The following ME3 variants were observed in gnomAD, a reference collection of about 807,000 sequenced individuals.
ME3 encodes NADP-dependent malic enzyme, mitochondrial.
In ME3, 48 loss-of-function variants were observed where a neutral mutation model predicts 68.9. The observed-to-expected ratio is 0.70, with a 90% CI of 0.55 to 0.89. The LOEUF (loss-of-function observed/expected upper bound fraction) is 0.89. ME3 is among the 40% of genes least tolerant of loss of function. The probability of loss-of-function intolerance (pLI) is 0.00; values close to 1 mark genes in which losing one functional copy is unlikely to be tolerated. For synonymous variants in ME3, 320 were observed against 318.8 expected (o/e 1.00, Z -0.04); for missense variants, 675 against 797.4 (o/e 0.85, Z 1.85).
rs190166523 is a variant in ME3 at position 86,505,734 on chromosome 11, C to T, written c.543+3058G>A. Among the ~76,000 whole-genome samples the T allele has an allele frequency of 4.7e-3, 719 of 152,334 alleles. 2 individuals are homozygous for T. Among genetic ancestry groups the T allele is most frequent in the Non-Finnish European group, 7.4e-3 (503 of 68,038 alleles). Reference sequence around the variant, plus strand: ...AAAGCTCAGAGAGGATATCTGCACACGCAGCAGGTAAGTGAAGCTTCATGG... The same window carrying T: ...AAAGCTCAGAGAGGATATCTGCACATGCAGCAGGTAAGTGAAGCTTCATGG... On this transcript the variant is annotated intron_variant, in intron 5 of 14. Coordinates refer to ENST00000543262, the Ensembl canonical transcript of ME3.
chr11:86,501,992 C>T lies in ME3; in HGVS notation c.544-3868G>A, dbSNP rs146420125. On this transcript the variant is annotated intron_variant, in intron 5 of 14. Transcript: ENST00000543262. Reference sequence around the variant, plus strand: ...TTCTTGCCCCCAAATCTCTAATGGTCCCTGATGTCTGTAAAATAAAACCCA... The same window carrying T: ...TTCTTGCCCCCAAATCTCTAATGGTTCCTGATGTCTGTAAAATAAAACCCA... Among the ~76,000 whole-genome samples the T allele has an allele frequency of 5.9e-5, 9 of 152,272 alleles. No homozygotes were observed. In the East Asian group the frequency reaches 1.5e-3, roughly 26 times the overall value.
At chr11:86,646,140 TC>T (rs1944998364) in intron 2 of ME3, among the ~76,000 whole-genome samples, 1 of 152,102 alleles carries the variant, frequency 6.6e-6, no homozygotes, top group Non-Finnish European at 1.5e-5. Flanking sequence ...CCAGAATGCT[TC>T]TTCTCCTCAA....
At chr11:86,606,310 G>A (rs1961641336) in intron 2 of ME3, among the ~76,000 whole-genome samples, 1 of 152,150 alleles carries the variant, frequency 6.6e-6, no homozygotes, top group South Asian at 2.1e-4. Flanking sequence ...TCCCTCCTGG[G>A]CCTTTGCCAT....
rs527983018 is a variant in ME3, at chr11:86,465,520, A to G, written c.810-320T>C. 3.4e-4 allele frequency among the ~76,000 whole-genome samples: 51 copies of G among 152,230 alleles called. 1 individual carries two copies. Among genetic ancestry groups the G allele is most frequent in the African/African-American group, 1.2e-3 (51 of 41,542 alleles). ...AGCCCTGGGAGTGACAAGAGGGCCA[A>G]GGAGGGGCCTGCCCTCTGTGTAGCC... On this transcript the variant is annotated intron_variant, in intron 7 of 14. Transcript: ENST00000543262.
chr11:86,499,590 C>T (rs1043409493), intron 5 of ME3, among the ~76,000 whole-genome samples: 7 of 152,290 alleles, frequency 4.6e-5, no homozygotes, highest in Middle Eastern at 3.4e-3. Context: ...CAAAGGGCTA[C>T]GGGATCTTCT....
At chr11:86,582,488 C>G (rs1958496286) in intron 2 of ME3, among the ~76,000 whole-genome samples, 2 of 152,104 alleles carry the variant, frequency 1.3e-5, no homozygotes. Context: ...AAATGCTAAT[C>G]CTTAACACAC....
At chr11:86,609,067 T>C (rs531882595) in intron 2 of ME3, among the ~76,000 whole-genome samples, 4 of 152,314 alleles carry the variant, frequency 2.6e-5, no homozygotes, top group African/African-American at 9.6e-5. Flanking sequence ...TTAGCACCAT[T>C]TTACAGACCA....
chr11:86,576,233 G>A (rs1380894961), intron 2 of ME3, among the ~76,000 whole-genome samples: 2 of 152,142 alleles, frequency 1.3e-5, no homozygotes, highest in Non-Finnish European at 2.9e-5. Flanking sequence ...GTTGGGGGAG[G>A]TGGATAACCA....
intron 2 of ME3, among the ~76,000 whole-genome samples, chr11:86,591,715 T>G (rs1175591174): frequency 6.6e-6 from 1 of 152,138 alleles, no homozygotes; most frequent in Non-Finnish European, 1.5e-5. Flanking sequence ...GAGGAGCAAG[T>G]CGCATTTTAT....
intron 4 of ME3, among the ~76,000 whole-genome samples, chr11:86,543,952 A>T (rs368218906): frequency 2.7e-3 from 370 of 137,314 alleles, no homozygotes; most frequent in African/African-American, 3.7e-3. Context: ...CATAACAAAC[A>T]GTCTCTCAGA....
chr11:86,661,742 T>C (rs1946291125), intron 2 of ME3, among the ~76,000 whole-genome samples: 1 of 152,244 alleles, frequency 6.6e-6, no homozygotes, highest in African/African-American at 2.4e-5. Context: ...AATGCACCTC[T>C]CGTTACATCT....
At chr11:86,556,599 C>A (rs150824447) in exon 4 of ME3, 1 of 1,613,974 alleles carries the variant, frequency 6.2e-7, no homozygotes, top group Non-Finnish European at 8.5e-7. Flanking sequence ...GCCAGCCCCA[C>A]GGTAGGCGTG....
intron 2 of ME3, among the ~76,000 whole-genome samples, chr11:86,615,203 A>C (rs1350183287): frequency 6.6e-6 from 1 of 152,188 alleles, no homozygotes; most frequent in Non-Finnish European, 1.5e-5. Flanking sequence ...TATTTTTTCA[A>C]GGCCACAATT....
chr11:86,543,869 A>C (rs1305603386), intron 4 of ME3, among the ~76,000 whole-genome samples: 2 of 152,128 alleles, frequency 1.3e-5, no homozygotes, highest in African/African-American at 2.4e-5. Context: ...TCAGCACCAC[A>C]TCACACTTAT....
intron 2 of ME3, among the ~76,000 whole-genome samples, chr11:86,621,116 G>T (rs930468418): frequency 2.6e-5 from 4 of 152,188 alleles, no homozygotes; most frequent in African/African-American, 9.6e-5. Flanking sequence ...TTTGAGTCCA[G>T]ATCAGAAAAT....
intron 5 of ME3, among the ~76,000 whole-genome samples, chr11:86,504,524 G>A (rs1279068540): frequency 6.6e-6 from 1 of 151,230 alleles, no homozygotes; most frequent in East Asian, 1.9e-4. Flanking sequence ...CCGAGAAGCT[G>A]GGAGGACTAC....
In ME3 at chr11:86,486,581, A is replaced by G. The variant is rs149940428; in HGVS notation, c.809+756T>C. Among the ~76,000 whole-genome samples, 12 of 152,356 alleles carry G rather than the reference A, an allele frequency of 7.9e-5. No individual in the cohort carries two copies. In the Middle Eastern group the frequency reaches 0.014, roughly 173 times the overall value. ...AGGCCATCTCTGCCAAACCTGTGCA[A>G]TCTTCAGGCAGCAAGAAGGCTGGAG... On this transcript the variant is annotated intron_variant, in intron 7 of 14. Coordinates refer to ENST00000543262, the Ensembl canonical transcript of ME3.
intron 3 of ME3, among the ~76,000 whole-genome samples, chr11:86,558,783 A>C (rs867086586): frequency 2.0e-5 from 3 of 152,248 alleles, no homozygotes; most frequent in African/African-American, 7.2e-5. Flanking sequence ...CACTGTTCTC[A>C]GCACATCACA....
At chr11:86,486,425 G>A (rs1951689201) in intron 7 of ME3, among the ~76,000 whole-genome samples, 2 of 152,234 alleles carry the variant, frequency 1.3e-5, no homozygotes, top group Admixed American at 6.5e-5. Context: ...AGGGGTCAAA[G>A]GTCAAATTAC....
Sources: gnomAD v4.1 joint callset for allele counts (sites outside exome capture counted in the v4.1 genomes callset) on GRCh38, gnomAD v4.1.1 for gene constraint, MANE v1.5 for transcripts, NCBI Gene and HGNC (gene_info 2026-07-23, HGNC 2026-07-21) for gene names.